The following PIWIL1 variants were observed in gnomAD, a reference collection of about 807,000 sequenced individuals.
PIWIL1 encodes piwi like RNA-mediated gene silencing 1, also known as piwi-like protein 1.
PIWIL1 carries 73 observed loss-of-function variants against 114.4 expected under a neutral mutation model. That is an observed-to-expected ratio of 0.64 (90% CI 0.53 to 0.78). PIWIL1 has a LOEUF of 0.78. Among genes scored for constraint, PIWIL1 ranks in the 30% least tolerant of loss-of-function variants. PIWIL1 has a pLI of 0.00. For missense variants in PIWIL1, 723 were observed against 1,063.1 expected (o/e 0.68, Z 4.45); for synonymous variants, 375 against 369.0 (o/e 1.02, Z -0.19).
chr12:130,357,364 G>A (rs1038696367), intron 13 of PIWIL1, 117 bp from the exon 14 acceptor site: 29 of 759,368 alleles, frequency 3.8e-5, no homozygotes, highest in East Asian at 3.6e-4. Context: ...GGCTAGTCTC[G>A]GTGTTTGATT....
rs557102311 is a variant in PIWIL1 at position 130,372,349 on chromosome 12, G to A, written c.*751G>A. 2.0e-5 allele frequency: 3 copies of A among 152,156 alleles called. No individual in the cohort carries two copies. The highest frequency in any genetic ancestry group is 7.2e-5 in the African/African-American group (3 of 41,510). 9.4% of individuals were successfully genotyped at this position (152,156 alleles called of 1,614,324 possible). On this transcript the variant is annotated 3_prime_UTR_variant, in exon 21 of 21. Coordinates refer to ENST00000245255, the MANE Select transcript of PIWIL1 (RefSeq NM_004764.5). ...CCTTATTTGAATAACTGTAATTCTT[G>A]TTTTACTGAAAGTATGTGCGTTTTC...
the PIWIL1 span, among the ~76,000 whole-genome samples, chr12:130,407,236 G>T: frequency 2.6e-5 from 4 of 152,178 alleles, no homozygotes; most frequent in African/African-American, 9.7e-5. Context: ...GCAGAGACTG[G>T]AGACCCCACC....
chr12:130,371,571 A>T lies in PIWIL1; in HGVS notation c.2559A>T (p.Ser853=), dbSNP rs1173922442. 6.2e-7 allele frequency: 1 copy of T among 1,613,712 alleles called. No homozygotes were observed. The highest frequency in any genetic ancestry group is 8.5e-7 in the Non-Finnish European group (1 of 1,179,642). Residue 853 remains serine (S), a synonymous_variant, in exon 21 of 21, where the codon TCA becomes TCT. Transcript: ENST00000245255. ...GTATTCACAGAGAGCCAAATCTGTCACTGTCAAACCGCCTTTACTACCTCT... is the reference window on the plus strand; with the variant it reads ...GTATTCACAGAGAGCCAAATCTGTCTCTGTCAAACCGCCTTTACTACCTCT... The part of the protein sequence containing the change: ...GQSIHREPNL[S]LSNRLYYL
chr12:130,368,155 A>G (rs2073721415), intron 19 of PIWIL1, among the ~76,000 whole-genome samples: 1 of 152,152 alleles, frequency 6.6e-6, no homozygotes, highest in Admixed American at 6.5e-5. Context: ...AGGTGTTGTT[A>G]ATGCAGTGAG....
At chr12:130,390,058 T>TA in the PIWIL1 span, among the ~76,000 whole-genome samples, 2 of 152,226 alleles carry the variant, frequency 1.3e-5, no homozygotes, top group African/African-American at 4.8e-5. Flanking sequence ...CCCAAGTTTT[T>TA]AAAAAATAGT....
the PIWIL1 span, among the ~76,000 whole-genome samples, chr12:130,392,196 CGTGG>C: frequency 0.074 from 943 of 12,662 alleles, 26 homozygotes; most frequent in Non-Finnish European, 0.11. Flanking sequence ...ACCGTCATCA[CGTGG>C]ATGCATCAGT....
At chr12:130,406,494 A>G in the PIWIL1 span, among the ~76,000 whole-genome samples, 1 of 152,248 alleles carries the variant, frequency 6.6e-6, no homozygotes, top group Admixed American at 6.5e-5. Context: ...ATTCAAGATT[A>G]TTACCATGTT....
Position 130,363,125 on chromosome 12 carries a change from T to C in PIWIL1, c.2176T>C (p.Ser726Pro), listed in dbSNP as rs199601525. 1.1e-5 allele frequency: 18 copies of C among 1,614,192 alleles called. No individual in the cohort carries two copies. In the East Asian group the frequency reaches 4.0e-4, roughly 36 times the overall value. The change falls in exon 18 of 21, where the codon TCC becomes CCC. Residue 726 changes from serine to proline, a missense_variant. By Grantham distance (74) the Ser-to-Pro change is moderately conservative. Transcript: ENST00000245255. ...GCCACAGTTTTTGGATTGTCTAAAA[T>C]CCATTGGTAGAGGTTACAAGTAAGC... is the stretch of plus-strand genomic sequence containing the variant. ...EVPQFLDCLK[S>P]IGRGYNPRLT...
intron 18 of PIWIL1, among the ~76,000 whole-genome samples, chr12:130,364,012 C>T (rs1469857175): frequency 1.3e-5 from 2 of 152,134 alleles, no homozygotes; most frequent in Non-Finnish European, 2.9e-5. Flanking sequence ...TTTTGTCTTC[C>T]TCTGCTCTCC....
intron 14 of PIWIL1, among the ~76,000 whole-genome samples, chr12:130,359,840 T>C (rs919320710): frequency 6.6e-6 from 1 of 152,214 alleles, no homozygotes; most frequent in African/African-American, 2.4e-5. Context: ...AGGAAAATTA[T>C]GATAGGTTCT....
chr12:130,377,236 G>T (rs1446590005), downstream of PIWIL1, among the ~76,000 whole-genome samples: 1 of 152,208 alleles, frequency 6.6e-6, no homozygotes, highest in Admixed American at 6.5e-5. Flanking sequence ...TGTATAGCAG[G>T]TTCTCAGATA....
chr12:130,399,562 T>C, the PIWIL1 span: 3 of 1,212,152 alleles, frequency 2.5e-6, no homozygotes, highest in Non-Finnish European at 3.5e-6. Flanking sequence ...AGAAAAAAAA[T>C]TCAGGGTGTA....
the PIWIL1 span, among the ~76,000 whole-genome samples, chr12:130,418,544 A>G: frequency 6.6e-6 from 1 of 152,274 alleles, no homozygotes; most frequent in African/African-American, 2.4e-5. Flanking sequence ...TAGTGAATGC[A>G]GTTCCAGGTA....
At chr12:130,385,352 A>T in the PIWIL1 span, among the ~76,000 whole-genome samples, 1 of 152,210 alleles carries the variant, frequency 6.6e-6, no homozygotes, top group Non-Finnish European at 1.5e-5. Context: ...TGTTGAAATC[A>T]TTATTTCATA....
the PIWIL1 span, among the ~76,000 whole-genome samples, chr12:130,378,077 G>A: frequency 1.3e-5 from 2 of 152,196 alleles, no homozygotes; most frequent in Non-Finnish European, 2.9e-5. Context: ...TTGGACAAAT[G>A]TCTATACCTC....
the PIWIL1 span, among the ~76,000 whole-genome samples, chr12:130,406,476 T>G: frequency 1.4e-3 from 218 of 152,346 alleles, no homozygotes; most frequent in Non-Finnish European, 2.5e-3. Context: ...GCTTTGATTT[T>G]GGCCAAAATT....
chr12:130,399,202 A>C, the PIWIL1 span: 2 of 1,144,700 alleles, frequency 1.7e-6, no homozygotes, highest in Non-Finnish European at 2.3e-6. Context: ...AAATATATAT[A>C]TAAAAATATA....
chr12:130,347,999 C>A, intron 6 of PIWIL1, 104 bp from the exon 7 acceptor site: 1 of 680,086 alleles, frequency 1.5e-6, no homozygotes, highest in East Asian at 2.8e-5. Flanking sequence ...TTTGGCCTGG[C>A]TACAGACCAC....
chr12:130,391,505 C>G, the PIWIL1 span, among the ~76,000 whole-genome samples: 2 of 152,218 alleles, frequency 1.3e-5, no homozygotes, highest in Admixed American at 6.5e-5. Flanking sequence ...TCCTCCTACT[C>G]TATCCCCAGA....
Sources: allele counts gnomAD v4.1 joint callset (sites outside exome capture counted in the v4.1 genomes callset), GRCh38; gene constraint gnomAD v4.1.1; transcripts MANE v1.5; gene names NCBI Gene and HGNC (gene_info 2026-07-23, HGNC 2026-07-21).